The following PDE4D variants were observed in gnomAD, a reference collection of about 807,000 sequenced individuals.
The protein encoded by PDE4D is 3',5'-cyclic-AMP phosphodiesterase 4D.
PDE4D carries 24 observed loss-of-function variants against 87.4 expected under a neutral mutation model. That is an observed-to-expected ratio of 0.27 (90% CI 0.20 to 0.39). The LOEUF (loss-of-function observed/expected upper bound fraction) is 0.39, where lower values mean the gene tolerates loss of function less well. PDE4D is among the 10% of genes least tolerant of loss of function. The probability of loss-of-function intolerance (pLI) is 1.00; values close to 1 mark genes in which losing one functional copy is unlikely to be tolerated. For missense variants in PDE4D, 714 were observed against 1,041.0 expected, an observed-to-expected ratio of 0.69 and a Z score of 4.32; for synonymous variants, 384 against 383.2, an observed-to-expected ratio of 1.00 and a Z score of -0.02.
intron 1 of PDE4D, among the ~76,000 whole-genome samples, chr5:59,554,054 G>A (rs1296481057): frequency 6.6e-6 from 1 of 152,048 alleles, no homozygotes; most frequent in East Asian, 1.9e-4. Context: ...GCAAAGGAGG[G>A]CTGATGTGGT....
intron 3 of PDE4D, among the ~76,000 whole-genome samples, chr5:59,965,249 G>A (rs1313613363): frequency 3.9e-5 from 6 of 152,110 alleles, no homozygotes; most frequent in African/African-American, 1.4e-4. Flanking sequence ...CAACCATGCT[G>A]TTAATTCCTC....
chr5:59,402,373 T>C (rs563666809), intron 1 of PDE4D, among the ~76,000 whole-genome samples: 2 of 152,304 alleles, frequency 1.3e-5, no homozygotes, highest in African/African-American at 4.8e-5. Flanking sequence ...AAGCTGTCCC[T>C]GACATCTGCA....
chr5:60,410,473 T>C (rs973437736), intron 1 of PDE4D, among the ~76,000 whole-genome samples: 16 of 152,200 alleles, frequency 1.1e-4, no homozygotes, highest in African/African-American at 3.9e-4. Flanking sequence ...CTAAGACAGC[T>C]TAGACATTTA....
chr5:59,530,480 C>T (rs1403273752), intron 1 of PDE4D, among the ~76,000 whole-genome samples: 2 of 152,060 alleles, frequency 1.3e-5, no homozygotes, highest in African/African-American at 4.8e-5. Context: ...CATCAATATA[C>T]TTTAAAGCAT....
chr5:60,348,054 C>T (rs1758878338), intron 1 of PDE4D, among the ~76,000 whole-genome samples: 1 of 152,016 alleles, frequency 6.6e-6, no homozygotes, highest in African/African-American at 2.4e-5. Context: ...GCCCATAAGC[C>T]CTACAAAGGA....
intron 1 of PDE4D, among the ~76,000 whole-genome samples, chr5:59,614,625 A>G (rs183016341): frequency 6.6e-6 from 1 of 152,320 alleles, no homozygotes; most frequent in Admixed American, 6.5e-5. Flanking sequence ...ACCTAATCAG[A>G]CAAGATTATG....
chr5:59,894,527 C>T (rs143824561), upstream of PDE4D, among the ~76,000 whole-genome samples: 11 of 152,326 alleles, frequency 7.2e-5, no homozygotes, highest in East Asian at 2.1e-3. Context: ...CTTCCTCCAA[C>T]TTGGCCTCGG....
chr5:60,473,464 T>C (rs1009208485), intron 1 of PDE4D, among the ~76,000 whole-genome samples: 5 of 152,232 alleles, frequency 3.3e-5, no homozygotes, highest in African/African-American at 4.8e-5. Context: ...TAATAATATG[T>C]ATATGTTAAA....
At chr5:59,506,500 G>C (rs972297860) in intron 1 of PDE4D, among the ~76,000 whole-genome samples, 4 of 152,010 alleles carry the variant, frequency 2.6e-5, no homozygotes, top group Admixed American at 1.3e-4. Flanking sequence ...CTCAAAGACA[G>C]GTTGGACAAA....
intron 6 of PDE4D, among the ~76,000 whole-genome samples, chr5:59,037,837 A>G (rs975118688): frequency 5.7e-5 from 4 of 69,672 alleles, no homozygotes; most frequent in Admixed American, 3.3e-4. Context: ...AGAAAGGTAG[A>G]AAAAAAAAAG....
chr5:59,781,615 A>T (rs113659452), intron 1 of PDE4D, among the ~76,000 whole-genome samples: 5 of 151,416 alleles, frequency 3.3e-5, no homozygotes, highest in Non-Finnish European at 5.9e-5. Context: ...ATGAAACCTC[A>T]TCTCTACTAA....
chr5:59,751,399 T>C lies in PDE4D; in HGVS notation c.455+141769A>G, dbSNP rs12520158. On this transcript the variant is annotated intron_variant, in intron 1 of 14. Transcript: ENST00000340635. Reference sequence around the variant, plus strand: ...GTAGCTAGCTGAAAGATGGTATAGATTGGTCTAATTGAACTGAGTCTCAAA... The same window carrying C: ...GTAGCTAGCTGAAAGATGGTATAGACTGGTCTAATTGAACTGAGTCTCAAA... 4.4e-3 allele frequency among the ~76,000 whole-genome samples: 670 copies of C among 152,258 alleles called. 21 individuals carry two copies. The highest frequency in any genetic ancestry group is 0.041 in the Admixed American group (626 of 15,276).
At chr5:60,430,535 G>GTTTTTTTTTTGTTTTTTTT (rs367558098) in intron 1 of PDE4D, among the ~76,000 whole-genome samples, 1 of 128,106 alleles carries the variant, frequency 7.8e-6, no homozygotes, top group African/African-American at 2.9e-5. Flanking sequence ...TTTGTGTTTT[G>GTTTTTTTTTTGTTTTTTTT]TTTTTTTTTG....
At chr5:59,461,433 T>A (rs757175441) in intron 1 of PDE4D, among the ~76,000 whole-genome samples, 1 of 152,170 alleles carries the variant, frequency 6.6e-6, no homozygotes, top group Non-Finnish European at 1.5e-5. Flanking sequence ...AGGTTCTCTT[T>A]AGACACAGTT....
At chr5:59,888,027 C>A (rs1437847233) in intron 1 of PDE4D, among the ~76,000 whole-genome samples, 1 of 152,038 alleles carries the variant, frequency 6.6e-6, no homozygotes, top group Non-Finnish European at 1.5e-5. Context: ...TAATTTAACC[C>A]CTCATGACAC....
chr5:60,486,323 T>C (rs1275863667), intron 1 of PDE4D, among the ~76,000 whole-genome samples: 1 of 152,184 alleles, frequency 6.6e-6, no homozygotes, highest in Non-Finnish European at 1.5e-5. Context: ...ACTCAATAAA[T>C]CAACTCACTA....
chr5:60,375,213 G>C (rs1761341106), intron 1 of PDE4D, among the ~76,000 whole-genome samples: 2 of 151,958 alleles, frequency 1.3e-5, no homozygotes. Flanking sequence ...TCATTATCAG[G>C]GTAAATTTTT....
At chr5:59,326,915 G>T (rs1030334072) in intron 1 of PDE4D, among the ~76,000 whole-genome samples, 2 of 152,016 alleles carry the variant, frequency 1.3e-5, no homozygotes, top group Non-Finnish European at 2.9e-5. Flanking sequence ...CAAAGCCAGA[G>T]AATACAATTC....
intron 1 of PDE4D, among the ~76,000 whole-genome samples, chr5:59,298,266 C>A (rs1391232603): frequency 2.0e-5 from 3 of 152,006 alleles, no homozygotes; most frequent in African/African-American, 7.2e-5. Context: ...CAGGTATGCA[C>A]CACCACACCA....
Sources: allele counts gnomAD v4.1 joint callset (sites outside exome capture counted in the v4.1 genomes callset), GRCh38; gene constraint gnomAD v4.1.1; transcripts MANE v1.5; gene names NCBI Gene and HGNC (gene_info 2026-07-23, HGNC 2026-07-21).